GPC6: variants seen among roughly 807,000 people sequenced by gnomAD.
GPC6 encodes the protein glypican-6.
In GPC6, 14 loss-of-function variants were observed where a neutral mutation model predicts 55.2. The ratio of observed to expected loss-of-function variants is 0.25; its 90% CI spans 0.17 to 0.40. GPC6 has a LOEUF of 0.40. Ranked by LOEUF, GPC6 falls within the 10% of genes least tolerant of loss-of-function variation. The pLI is 1.00. For synonymous variants in GPC6, 278 were observed against 259.6 expected (o/e 1.07, Z -0.68); for missense variants, 641 against 708.5 (o/e 0.90, Z 1.08).
At chr13:93,444,916 ATTC>A (rs1249379103) in intron 1 of GPC6, among the ~76,000 whole-genome samples, 3 of 152,220 alleles carry the variant, frequency 2.0e-5, no homozygotes, top group Admixed American at 1.3e-4. Flanking sequence ...AGAATTTGGT[ATTC>A]TTATTTCACT....
intron 3 of GPC6, among the ~76,000 whole-genome samples, chr13:93,900,803 A>G (rs1410589957): frequency 3.3e-5 from 5 of 152,186 alleles, no homozygotes; most frequent in Non-Finnish European, 4.4e-5. Flanking sequence ...TGTGTGAAAA[A>G]ATAAATAAAA....
chr13:93,701,749 A>G (rs1882678451), intron 2 of GPC6, among the ~76,000 whole-genome samples: 1 of 151,984 alleles, frequency 6.6e-6, no homozygotes, highest in South Asian at 2.1e-4. Context: ...CCAGGACTAC[A>G]TTCCACCTCA....
At chr13:93,439,201 A>G (rs1017277082) in intron 1 of GPC6, among the ~76,000 whole-genome samples, 2 of 152,150 alleles carry the variant, frequency 1.3e-5, no homozygotes, top group Admixed American at 6.6e-5. Context: ...TTTTATTGCA[A>G]TGGTCTAGAA....
intron 1 of GPC6, among the ~76,000 whole-genome samples, chr13:93,510,762 A>G (rs1880924667): frequency 6.6e-6 from 1 of 150,936 alleles, no homozygotes; most frequent in Non-Finnish European, 1.5e-5. Context: ...GTTACCACTA[A>G]CAGCGTATAA....
intron 4 of GPC6, among the ~76,000 whole-genome samples, chr13:94,127,420 G>C (rs1327563835): frequency 6.6e-6 from 1 of 152,100 alleles, no homozygotes; most frequent in Admixed American, 6.6e-5. Context: ...CTTTCGCCAT[G>C]TGATGTGCCA....
intron 4 of GPC6, among the ~76,000 whole-genome samples, chr13:94,116,496 A>T (rs1886433442): frequency 6.6e-6 from 1 of 152,088 alleles, no homozygotes; most frequent in African/African-American, 2.4e-5. Flanking sequence ...CATGCATAAA[A>T]GGTGGGCAGG....
chr13:93,543,529 C>A (rs926333018), intron 1 of GPC6, among the ~76,000 whole-genome samples: 2 of 151,958 alleles, frequency 1.3e-5, no homozygotes, highest in African/African-American at 2.4e-5. Flanking sequence ...CAGGATGATG[C>A]TGGCCTCATA....
At chr13:93,990,101 A>C (rs1349341964) in intron 3 of GPC6, among the ~76,000 whole-genome samples, 9 of 151,922 alleles carry the variant, frequency 5.9e-5, no homozygotes, top group Non-Finnish European at 1.5e-5. Context: ...AAATGCAATG[A>C]CACTGTTATT....
intron 4 of GPC6, among the ~76,000 whole-genome samples, chr13:94,215,020 G>GA (rs1890185725): frequency 6.6e-6 from 1 of 152,150 alleles, no homozygotes; most frequent in Non-Finnish European, 1.5e-5. Context: ...TCAGGTAGTG[G>GA]AAAATATTTG....
chr13:94,014,801 A>C (rs73544015), intron 3 of GPC6, among the ~76,000 whole-genome samples: 4,055 of 152,282 alleles, frequency 0.027, 191 homozygotes, highest in African/African-American at 0.09. Context: ...TATATGGTCT[A>C]TGAGTAGCTT....
intron 4 of GPC6, among the ~76,000 whole-genome samples, chr13:94,215,879 C>G (rs1431223750): frequency 6.6e-6 from 1 of 152,122 alleles, no homozygotes; most frequent in East Asian, 1.9e-4. Flanking sequence ...GTACATTTAA[C>G]TTCGTTAATA....
intron 1 of GPC6, among the ~76,000 whole-genome samples, chr13:93,311,167 A>G (rs1396036688): frequency 6.6e-6 from 1 of 152,170 alleles, no homozygotes; most frequent in Non-Finnish European, 1.5e-5. Context: ...GGGACTCACT[A>G]TGCTTATGGA....
At chr13:93,327,401 T>C (rs1206633726) in intron 1 of GPC6, among the ~76,000 whole-genome samples, 1 of 152,174 alleles carries the variant, frequency 6.6e-6, no homozygotes, top group Non-Finnish European at 1.5e-5. Flanking sequence ...TTCCACTTCT[T>C]AGTTGGGTTT....
At chr13:93,282,546 AT>A (rs1877988130) in intron 1 of GPC6, among the ~76,000 whole-genome samples, 1 of 152,094 alleles carries the variant, frequency 6.6e-6, no homozygotes, top group African/African-American at 2.4e-5. Flanking sequence ...CTTCTTGCCA[AT>A]TTTTTCTCCA....
At chr13:93,657,990 C>T (rs1391350796) in intron 2 of GPC6, among the ~76,000 whole-genome samples, 1 of 152,024 alleles carries the variant, frequency 6.6e-6, no homozygotes, top group Admixed American at 6.6e-5. Context: ...AATGCTTAGA[C>T]ATTGCTGGTG....
At chr13:93,605,652 C>A (rs1878205428) in intron 2 of GPC6, among the ~76,000 whole-genome samples, 1 of 148,526 alleles carries the variant, frequency 6.7e-6, no homozygotes, top group Non-Finnish European at 1.5e-5. Context: ...GCCTGGCCAA[C>A]ATGGTGAAAT....
intron 4 of GPC6, among the ~76,000 whole-genome samples, chr13:94,057,804 C>G (rs1026611859): frequency 1.3e-5 from 2 of 151,908 alleles, no homozygotes; most frequent in Admixed American, 1.3e-4. Context: ...TGGTCTTAAT[C>G]AAAAAAAGCC....
At chr13:93,548,256 C>T (rs1874935572) in intron 2 of GPC6, among the ~76,000 whole-genome samples, 2 of 152,138 alleles carry the variant, frequency 1.3e-5, no homozygotes, top group African/African-American at 2.4e-5. Context: ...CTTAATTTGT[C>T]ATTTGGATTG....
At chr13:94,350,361 T>C (rs1022856106) in intron 6 of GPC6, among the ~76,000 whole-genome samples, 2 of 152,170 alleles carry the variant, frequency 1.3e-5, no homozygotes, top group Admixed American at 1.3e-4. Context: ...GGCATCAGTA[T>C]GTTTAAAGCT....
Sources: allele counts gnomAD v4.1 joint callset (sites outside exome capture counted in the v4.1 genomes callset), GRCh38; gene constraint gnomAD v4.1.1; transcripts MANE v1.5; gene names NCBI Gene and HGNC (gene_info 2026-07-23, HGNC 2026-07-21).